Variants in PGAP1 observed in about 807,000 individuals in gnomAD.
PGAP1 encodes GPI inositol-deacylase.
Under a neutral mutation model 127.0 loss-of-function variants are expected in PGAP1, and 76 were observed. The observed-to-expected ratio is 0.60, with a 90% CI of 0.50 to 0.72. The LOEUF (loss-of-function observed/expected upper bound fraction) is 0.72, where lower values mean the gene tolerates loss of function less well. Among genes scored for constraint, PGAP1 ranks in the 30% least tolerant of loss-of-function variants. The pLI is 0.00. For synonymous variants in PGAP1, 362 were observed against 366.5 expected (o/e 0.99, Z 0.14); for missense variants, 982 against 1,071.3 (o/e 0.92, Z 1.16).
intron 1 of PGAP1, among the ~76,000 whole-genome samples, chr2:196,923,649 A>AT (rs771735253): frequency 2.0e-5 from 3 of 151,064 alleles, no homozygotes; most frequent in Non-Finnish European, 4.4e-5. Context: ...TATGACTCAT[A>AT]TTTTCTTTTT....
chr2:196,893,197 T>A lies in PGAP1; in HGVS notation c.976A>T (p.Ile326Leu). 1 of 1,601,946 alleles carries A rather than the reference T, an allele frequency of 6.2e-7. No individual in the cohort carries two copies. The highest frequency in any genetic ancestry group is 8.5e-7 in the Non-Finnish European group (1 of 1,172,426). ...KKLSVLYHHF[I>L]RHPSKHFEEN... is the part of the protein sequence containing the mutation. ...TCAAAATGTTTTGATGGGTGTCTTA[T>A]AAAGTGGTGATACAAAACTGACAGT... is the stretch of plus-strand genomic sequence containing the variant. Residue 326 changes from isoleucine (I) to leucine (L), a missense_variant, in exon 8 of 27, where the codon ATA (isoleucine) becomes TTA (leucine). Physicochemically the swap from Ile to Leu is conservative, Grantham distance 5. Transcript: ENST00000354764.
At chr2:196,851,328 C>T (rs759002217) in intron 20 of PGAP1, among the ~76,000 whole-genome samples, 12 of 152,106 alleles carry the variant, frequency 7.9e-5, no homozygotes, top group Non-Finnish European at 1.5e-4. Context: ...CACAAAAATA[C>T]TTCTCTGAGG....
chr2:196,874,495 T>C (rs1701499409), intron 14 of PGAP1, among the ~76,000 whole-genome samples: 1 of 152,164 alleles, frequency 6.6e-6, no homozygotes. Context: ...AGGACATTTA[T>C]ATATTCTCAA....
intron 6 of PGAP1, among the ~76,000 whole-genome samples, chr2:196,897,520 A>C (rs1702324188): frequency 6.6e-6 from 1 of 152,170 alleles, no homozygotes; most frequent in Admixed American, 6.5e-5. Context: ...AGCAGATACT[A>C]CTGCTCGCAC....
At chr2:196,900,345 A>T (rs576342459) in intron 5 of PGAP1, among the ~76,000 whole-genome samples, 2 of 152,368 alleles carry the variant, frequency 1.3e-5, no homozygotes, top group East Asian at 3.9e-4. Context: ...ACTATATTAC[A>T]GCAGTTTAGT....
At chr2:196,887,383 CA>C (rs1214425186) in intron 10 of PGAP1, among the ~76,000 whole-genome samples, 2 of 151,868 alleles carry the variant, frequency 1.3e-5, no homozygotes, top group Non-Finnish European at 2.9e-5. Context: ...GACTCCATCT[CA>C]AAAAACAAAA....
chr2:196,915,422 G>T (rs1476437950), intron 3 of PGAP1, among the ~76,000 whole-genome samples: 1 of 152,114 alleles, frequency 6.6e-6, no homozygotes, highest in Non-Finnish European at 1.5e-5. Flanking sequence ...AGCATACATG[G>T]AATGCCTAAT....
At position 196,886,203 on chromosome 2, in the gene PGAP1, C is replaced by T. The variant is rs552168351; in HGVS notation, c.1174-323G>A. ...TGAGATGGAGTCTTGCTCTGTCACCCAGGCTGGAGTACAGTGGCACGACCT... is the reference window on the plus strand; with the variant it reads ...TGAGATGGAGTCTTGCTCTGTCACCTAGGCTGGAGTACAGTGGCACGACCT... On this transcript the variant is annotated intron_variant, in intron 10 of 26. Coordinates refer to ENST00000354764, the MANE Select transcript of PGAP1 (RefSeq NM_024989.4). 7.4e-5 allele frequency among the ~76,000 whole-genome samples: 11 copies of T among 148,982 alleles called. No homozygotes were observed. In the South Asian group the frequency reaches 2.4e-3, roughly 32 times the overall value.
At chr2:196,897,020 T>G in intron 7 of PGAP1, 111 bp downstream of exon 7, 1 of 604,640 alleles carries the variant, frequency 1.7e-6, no homozygotes, top group Non-Finnish European at 2.9e-6. Flanking sequence ...ATAAGGTATA[T>G]GCTTCTATTT....
intron 14 of PGAP1, 183 bp from the exon 15 acceptor site, chr2:196,873,941 T>A: frequency 2.1e-6 from 1 of 486,126 alleles, no homozygotes; most frequent in Non-Finnish European, 3.6e-6. Flanking sequence ...CAAAATAAAT[T>A]TTATTACTTC....
At position 196,865,032 on chromosome 2, in the gene PGAP1, T is replaced by C. The variant is rs1163866309; in HGVS notation, c.1816A>G (p.Ile606Val). The C allele has an allele frequency of 1.3e-6, 2 of 1,572,824 alleles. No individual in the cohort carries two copies. The highest frequency in any genetic ancestry group is 2.1e-5 in the Admixed American group (1 of 47,976). Residue 606 changes from isoleucine (I) to valine (V), a missense_variant, in exon 20 of 27, where the codon ATC (isoleucine) becomes GTC (valine). Transcript: ENST00000354764. ...GALPAYVVSN[I>V]LLAYRGQLYS... is the part of the protein sequence containing the mutation. ...AACTGTCCTCTATAAGCAAGAAGGATATTAGATACGACATAAGCAGGAAGA... is the reference window on the plus strand; with the variant it reads ...AACTGTCCTCTATAAGCAAGAAGGACATTAGATACGACATAAGCAGGAAGA...
At chr2:196,919,662 A>G (rs1407939380) in intron 2 of PGAP1, among the ~76,000 whole-genome samples, 1 of 152,138 alleles carries the variant, frequency 6.6e-6, no homozygotes, top group African/African-American at 2.4e-5. Context: ...TCAATGCTTA[A>G]GGTTCTGTTC....
chr2:196,879,751 T>C (rs897679064), intron 13 of PGAP1, among the ~76,000 whole-genome samples: 2 of 152,162 alleles, frequency 1.3e-5, no homozygotes, highest in Admixed American at 1.3e-4. Context: ...CTATAATTCC[T>C]GGTACATAGC....
Position 196,880,161 on chromosome 2 carries a change from A to T in PGAP1, c.1273-8T>A, listed in dbSNP as rs1027939794. 7.2e-6 allele frequency: 8 copies of T among 1,111,864 alleles called. No individual in the cohort carries two copies. Among genetic ancestry groups the T allele is most frequent in the Non-Finnish European group, 9.7e-6 (8 of 824,078 alleles). 68.9% of individuals were successfully genotyped at this position (1,111,864 alleles called of 1,614,324 possible). On this transcript the variant is annotated splice_polypyrimidine_tract_variant and splice_region_variant and intron_variant, in intron 12 of 26. Transcript: ENST00000354764. ...AAGTCTTAATGTCAGATACTAAAAT[A>T]AAAAAAAAAGAAACTACTTTTATTT...
At position 196,892,409 on chromosome 2, in the gene PGAP1, T is replaced by C; in HGVS notation, c.1034-8A>G. 1 of 1,314,584 alleles carries C rather than the reference T, an allele frequency of 7.6e-7. No individual in the cohort carries two copies. Among genetic ancestry groups the C allele is most frequent in the Non-Finnish European group, 1.1e-6 (1 of 939,978 alleles). The allele number at this position is 1,314,584 out of a possible 1,614,324, so 81.4% of individuals were successfully genotyped here. A position where few individuals can be genotyped will look rare whatever the true frequency, so the allele number is the denominator to read the frequency against. On this transcript the variant is annotated splice_polypyrimidine_tract_variant and splice_region_variant and intron_variant, in intron 8 of 26. Coordinates refer to ENST00000354764, the MANE Select transcript of PGAP1 (RefSeq NM_024989.4). ...GAACCCACATAGATGTCCCTGAAGG[T>C]AAAGGAAATTAATTTATTTGCCTTG...
chr2:196,925,097 T>C (rs1267879673), intron 1 of PGAP1, among the ~76,000 whole-genome samples: 5 of 150,478 alleles, frequency 3.3e-5, no homozygotes, highest in Admixed American at 2.0e-4. Context: ...GAGACGACAG[T>C]AACATGTCAA....
At chr2:196,877,805 C>T (rs1399546746) in intron 13 of PGAP1, among the ~76,000 whole-genome samples, 1 of 152,066 alleles carries the variant, frequency 6.6e-6, no homozygotes, top group Admixed American at 6.6e-5. Flanking sequence ...TTTTCTTGAG[C>T]ATTTATGCAG....
At chr2:196,890,957 T>A in intron 9 of PGAP1, 46 bp from the exon 10 acceptor site, 1 of 955,828 alleles carries the variant, frequency 1.0e-6, no homozygotes, top group East Asian at 2.4e-5. Context: ...ATGAGCAGAT[T>A]AGTTTCATCA....
chr2:196,840,665 T>C lies in PGAP1; in HGVS notation c.*569A>G, dbSNP rs1195631214. The C allele has an allele frequency of 6.6e-6, 1 of 152,212 alleles. No homozygotes were observed. Among genetic ancestry groups the C allele is most frequent in the Non-Finnish European group, 1.5e-5 (1 of 68,036 alleles). 9.4% of individuals were successfully genotyped at this position (152,212 alleles called of 1,614,324 possible). The stretch of plus-strand genomic sequence containing the variant: ...CATATCTCCTTACCATTCAAAGCTC[T>C]ATTTTCATAGATGTAAGAAGACAAG... On this transcript the variant is annotated 3_prime_UTR_variant, in exon 27 of 27. Transcript: ENST00000354764.
Sources: gnomAD v4.1 joint callset for allele counts (sites outside exome capture counted in the v4.1 genomes callset) on GRCh38, gnomAD v4.1.1 for gene constraint, MANE v1.5 for transcripts, NCBI Gene and HGNC (gene_info 2026-07-23, HGNC 2026-07-21) for gene names.